TMEM131: variants seen among roughly 807,000 people sequenced by gnomAD.
The protein encoded by TMEM131 is transmembrane protein 131, also known as 2610524E03Rik.
A neutral mutation model predicts 211.6 loss-of-function variants in TMEM131; 66 were observed. The ratio of observed to expected loss-of-function variants is 0.31; its 90% CI spans 0.26 to 0.38. The LOEUF (loss-of-function observed/expected upper bound fraction) is 0.38. TMEM131 is among the 10% of genes least tolerant of loss of function. The pLI, the probability that TMEM131 is intolerant of heterozygous loss-of-function variation, is 1.00. For missense variants in TMEM131, 2,036 were observed against 2,299.3 expected, an observed-to-expected ratio of 0.89 and a Z score of 2.34; for synonymous variants, 844 against 841.3, an observed-to-expected ratio of 1.00 and a Z score of -0.06.
chr2:97,822,401 C>T lies in TMEM131; in HGVS notation c.1075-3680G>A, dbSNP rs539552794. Among the ~76,000 whole-genome samples, 3 of 152,314 alleles carry T rather than the reference C, an allele frequency of 2.0e-5. No homozygotes were observed. In the South Asian group the frequency reaches 6.2e-4, roughly 32 times the overall value. The stretch of plus-strand genomic sequence containing the variant: ...CATGATGAGAAGTGAGGATAAAAGG[C>T]GTCACTCTTCCAACCCTGGAGATCC... On this transcript the variant is annotated intron_variant, in intron 11 of 40. Transcript: ENST00000186436.
intron 1 of TMEM131, among the ~76,000 whole-genome samples, chr2:97,983,477 T>C (rs756719697): frequency 1.3e-5 from 2 of 152,226 alleles, no homozygotes; most frequent in Non-Finnish European, 2.9e-5. Context: ...AAGGGCTGCA[T>C]AATCTGCAAT....
At chr2:97,822,945 A>G (rs1261743766) in intron 11 of TMEM131, among the ~76,000 whole-genome samples, 3 of 152,252 alleles carry the variant, frequency 2.0e-5, no homozygotes, top group South Asian at 4.1e-4. Context: ...TGGTCCCAAT[A>G]TTCTCTCTCT....
chr2:97,872,561 G>C (rs1330349704), intron 4 of TMEM131, among the ~76,000 whole-genome samples: 1 of 152,096 alleles, frequency 6.6e-6, no homozygotes, highest in Non-Finnish European at 1.5e-5. Flanking sequence ...TTTCCAACTG[G>C]GACTGGTTAG....
chr2:97,806,347 G>A (rs1681296400), intron 19 of TMEM131, among the ~76,000 whole-genome samples: 1 of 152,164 alleles, frequency 6.6e-6, no homozygotes. Context: ...GACCAGCCAG[G>A]CCAACATGGT....
At chr2:97,995,416 C>G in intron 1 of TMEM131, 60 bp downstream of exon 1, 2 of 1,301,124 alleles carry the variant, frequency 1.5e-6, no homozygotes, top group Non-Finnish European at 1.9e-6. Flanking sequence ...CCAGCCCTCC[C>G]GGCCTCCGCG....
intron 1 of TMEM131, among the ~76,000 whole-genome samples, chr2:97,981,747 T>G (rs546761392): frequency 6.6e-6 from 1 of 152,314 alleles, no homozygotes; most frequent in East Asian, 1.9e-4. Context: ...ATGTTATCTA[T>G]TTTGTCTCTG....
Position 97,792,899 on chromosome 2 carries a change from G to A in TMEM131, c.3631C>T (p.His1211Tyr). 6.2e-7 allele frequency: 1 copy of A among 1,613,098 alleles called. No homozygotes were observed. The stretch of plus-strand genomic sequence containing the variant: ...TGGACCGATGGGCCACACTGCTTAT[G>A]ACTCCCGGCACTGGGTCGGGATGAT... ...GSSSRPSAGS[H>Y]KQCGPSVHPH... The change falls in exon 31 of 41, where the codon CAT (histidine) becomes TAT (tyrosine). Residue 1211 changes from histidine (H) to tyrosine (Y), a missense_variant. This residue lies in a region of TMEM131 where 1,623 missense variants were observed against 1,805.9 expected (regional missense o/e 0.90). Transcript: ENST00000186436.
chr2:97,814,632 A>G (rs866259244), intron 13 of TMEM131, among the ~76,000 whole-genome samples: 1 of 152,228 alleles, frequency 6.6e-6, no homozygotes, highest in African/African-American at 2.4e-5. Context: ...AATTAGAATC[A>G]AAGACATATC....
chr2:97,878,758 G>A (rs1189432106), intron 4 of TMEM131, among the ~76,000 whole-genome samples: 14 of 152,018 alleles, frequency 9.2e-5, no homozygotes, highest in Admixed American at 9.2e-4. Flanking sequence ...GTGATGGGTT[G>A]ATGCATGCAG....
chr2:97,803,963 A>T (rs907075310), intron 22 of TMEM131, among the ~76,000 whole-genome samples: 4 of 152,170 alleles, frequency 2.6e-5, no homozygotes, highest in African/African-American at 4.8e-5. Context: ...TCTCTTTTGT[A>T]TTCATTTTAA....
At chr2:97,880,164 C>T (rs1010760866) in intron 4 of TMEM131, among the ~76,000 whole-genome samples, 1 of 146,280 alleles carries the variant, frequency 6.8e-6, no homozygotes, top group African/African-American at 2.6e-5. Context: ...AGGGGAGACT[C>T]AAGGTATGAA....
intron 28 of TMEM131, 26 bp from the exon 29 acceptor site, chr2:97,795,141 C>A (rs1411353862): frequency 1.3e-6 from 2 of 1,569,774 alleles, no homozygotes; most frequent in African/African-American, 2.7e-5. Flanking sequence ...GGTAGTAAGG[C>A]TAAGTTTTAA....
chr2:97,952,624 C>T (rs775375769), intron 1 of TMEM131, among the ~76,000 whole-genome samples: 2 of 152,150 alleles, frequency 1.3e-5, no homozygotes, highest in Non-Finnish European at 2.9e-5. Flanking sequence ...TGCCTACAAC[C>T]CCAGCACTTT....
chr2:97,841,588 A>G (rs1260148913), intron 7 of TMEM131, among the ~76,000 whole-genome samples: 2 of 152,126 alleles, frequency 1.3e-5, no homozygotes, highest in Non-Finnish European at 2.9e-5. Flanking sequence ...TCGTTTTAAA[A>G]ATGATTCAAA....
intron 1 of TMEM131, among the ~76,000 whole-genome samples, chr2:97,971,318 G>A (rs968462096): frequency 4.6e-5 from 7 of 152,138 alleles, no homozygotes; most frequent in East Asian, 1.9e-4. Context: ...GGTGTTCCAC[G>A]TGACAAAAGC....
chr2:97,845,311 A>G (rs1437833945), intron 5 of TMEM131, among the ~76,000 whole-genome samples: 1 of 152,034 alleles, frequency 6.6e-6, no homozygotes, highest in Non-Finnish European at 1.5e-5. Flanking sequence ...CTAGAAATGC[A>G]GCTAACATGT....
chr2:97,775,195 C>T (rs1240466416), intron 32 of TMEM131, among the ~76,000 whole-genome samples: 1 of 152,176 alleles, frequency 6.6e-6, no homozygotes. Flanking sequence ...CACTAAGGCC[C>T]ACTGGACCCG....
intron 1 of TMEM131, among the ~76,000 whole-genome samples, chr2:97,972,452 A>C (rs543896388): frequency 7.0e-4 from 5 of 7,104 alleles, no homozygotes; most frequent in Admixed American, 1.6e-3. Context: ...GGAGGGAGGG[A>C]GGGGAGGGAG....
chr2:97,829,375 C>T (rs894755913), intron 11 of TMEM131, among the ~76,000 whole-genome samples: 9 of 139,188 alleles, frequency 6.5e-5, no homozygotes, highest in South Asian at 2.2e-4. Flanking sequence ...AATCAGCACT[C>T]GGTAAAAACG....
Sources: gnomAD v4.1 joint callset for allele counts (sites outside exome capture counted in the v4.1 genomes callset) on GRCh38, gnomAD v4.1.1 for gene constraint, gnomAD v4.1.1 regional missense constraint, MANE v1.5 for transcripts, NCBI Gene and HGNC (gene_info 2026-07-23, HGNC 2026-07-21) for gene names.